ADGRL3: variants seen among roughly 807,000 people sequenced by gnomAD.
The protein encoded by ADGRL3 is adhesion G protein-coupled receptor L3.
A neutral mutation model predicts 153.5 loss-of-function variants in ADGRL3; 62 were observed. The ratio of observed to expected loss-of-function variants is 0.40; its 90% CI spans 0.33 to 0.50. ADGRL3 has a LOEUF of 0.50. Ranked by LOEUF, ADGRL3 falls within the 20% of genes least tolerant of loss-of-function variation. ADGRL3 has a pLI of 0.47. For synonymous variants in ADGRL3, 710 were observed against 672.5 expected, an observed-to-expected ratio of 1.06 and a Z score of -0.86; for missense variants, 1,641 against 1,859.4, an observed-to-expected ratio of 0.88 and a Z score of 2.16.
At chr4:62,046,243 A>G (rs1452849046) in intron 25 of ADGRL3, among the ~76,000 whole-genome samples, 1 of 151,956 alleles carries the variant, frequency 6.6e-6, no homozygotes, top group Non-Finnish European at 1.5e-5. Flanking sequence ...TATGATTTTA[A>G]TGATGAATTG....
chr4:61,682,948 G>C (rs149727851), intron 6 of ADGRL3, among the ~76,000 whole-genome samples: 2 of 151,962 alleles, frequency 1.3e-5, no homozygotes, highest in Non-Finnish European at 2.9e-5. Context: ...AGTCAAGTGG[G>C]GCTTAGAGTC....
Position 61,376,288 on chromosome 4 carries a change from G to A in ADGRL3, c.-239-6836G>A, listed in dbSNP as rs1014210181. Among the ~76,000 whole-genome samples, 5 of 151,796 alleles carry A rather than the reference G, an allele frequency of 3.3e-5. No homozygotes were observed. In the East Asian group the frequency reaches 9.7e-4, roughly 30 times the overall value. On this transcript the variant is annotated intron_variant, in intron 1 of 26. Coordinates refer to ENST00000683033, the MANE Select transcript of ADGRL3 (RefSeq NM_001387552.1). ...AGAGAAGCTTAATAATTCCATTATA[G>A]AAGTTGGAAACCATGATTAGTATGC...
intron 9 of ADGRL3, among the ~76,000 whole-genome samples, chr4:61,842,094 C>A (rs768660295): frequency 1.5e-4 from 23 of 152,034 alleles, no homozygotes; most frequent in Non-Finnish European, 2.9e-4. Context: ...TTTCATAACA[C>A]AGAGATGTTA....
At chr4:61,643,150 C>G (rs1293879740) in intron 5 of ADGRL3, among the ~76,000 whole-genome samples, 1 of 152,132 alleles carries the variant, frequency 6.6e-6, no homozygotes, top group African/African-American at 2.4e-5. Context: ...TATCCTGAGA[C>G]TTTGCTGAAG....
intron 1 of ADGRL3, among the ~76,000 whole-genome samples, chr4:61,322,372 C>G (rs2095376072): frequency 6.6e-6 from 1 of 152,178 alleles, no homozygotes; most frequent in African/African-American, 2.4e-5. Context: ...CTTCACATTT[C>G]AAAACCAATC....
intron 8 of ADGRL3, among the ~76,000 whole-genome samples, chr4:61,757,747 T>A (rs1448510941): frequency 1.3e-5 from 2 of 152,240 alleles, no homozygotes; most frequent in Non-Finnish European, 2.9e-5. Context: ...TGCTTTCTCT[T>A]GTGGGCATTT....
At chr4:61,293,902 G>C (rs1206064956) in intron 1 of ADGRL3, among the ~76,000 whole-genome samples, 1 of 152,080 alleles carries the variant, frequency 6.6e-6, no homozygotes, top group African/African-American at 2.4e-5. Context: ...ATGTGAAAAG[G>C]TCTCTTGTGG....
chr4:61,530,997 T>C (rs1370069117), intron 4 of ADGRL3, among the ~76,000 whole-genome samples: 1 of 152,182 alleles, frequency 6.6e-6, no homozygotes, highest in Non-Finnish European at 1.5e-5. Flanking sequence ...CTTAATATAG[T>C]CTGTGGCTCA....
chr4:61,371,055 C>G (rs2096515445), intron 1 of ADGRL3, among the ~76,000 whole-genome samples: 1 of 150,722 alleles, frequency 6.6e-6, no homozygotes, highest in Non-Finnish European at 1.5e-5. Context: ...ATTGCAACCC[C>G]TGCCTTTTTT....
At chr4:61,654,401 T>C (rs2094377828) in intron 5 of ADGRL3, among the ~76,000 whole-genome samples, 1 of 152,064 alleles carries the variant, frequency 6.6e-6, no homozygotes, top group African/African-American at 2.4e-5. Context: ...CATTATTAAC[T>C]ATGGGGTAAT....
intron 9 of ADGRL3, among the ~76,000 whole-genome samples, chr4:61,824,279 C>T (rs143207139): frequency 1.1e-3 from 170 of 152,182 alleles, no homozygotes; most frequent in African/African-American, 3.4e-3. Context: ...CATCTTTGTT[C>T]TAGTGCCACC....
intron 1 of ADGRL3, among the ~76,000 whole-genome samples, chr4:61,217,758 A>G (rs972495099): frequency 1.3e-5 from 2 of 152,202 alleles, no homozygotes; most frequent in African/African-American, 2.4e-5. Flanking sequence ...GTTTTACTCC[A>G]GAAGGTTGGT....
chr4:62,050,596 G>A (rs1200722660), intron 25 of ADGRL3, among the ~76,000 whole-genome samples: 1 of 151,764 alleles, frequency 6.6e-6, no homozygotes, highest in Non-Finnish European at 1.5e-5. Context: ...TATTTTTAAA[G>A]AAAAAATGCA....
At chr4:61,748,420 G>A (rs1264016691) in intron 8 of ADGRL3, among the ~76,000 whole-genome samples, 1 of 150,952 alleles carries the variant, frequency 6.6e-6, no homozygotes, top group African/African-American at 2.5e-5. Flanking sequence ...TAAGCCAAAA[G>A]AACAAAGCTG....
At chr4:61,489,000 T>C (rs1448110705) in intron 2 of ADGRL3, among the ~76,000 whole-genome samples, 1 of 151,952 alleles carries the variant, frequency 6.6e-6, no homozygotes, top group Non-Finnish European at 1.5e-5. Context: ...CTAAATGCAA[T>C]CTCATTTACC....
At position 61,483,894 on chromosome 4, in the gene ADGRL3, T is replaced by C. The variant is rs1379048248; in HGVS notation, c.-173-13227T>C. On this transcript the variant is annotated intron_variant, in intron 2 of 26. Transcript: ENST00000683033. Reference sequence around the variant, plus strand: ...ATATGAATTAATAAGATTACGTTAATAACTAAGTATAGTGTGTTCTGTTAT... The same window carrying C: ...ATATGAATTAATAAGATTACGTTAACAACTAAGTATAGTGTGTTCTGTTAT... Among the ~76,000 whole-genome samples, 14 of 150,950 alleles carry C rather than the reference T, an allele frequency of 9.3e-5. No individual in the cohort carries two copies. In the East Asian group the frequency reaches 2.3e-3, roughly 25 times the overall value.
At chr4:61,870,273 G>T (rs72638583) in intron 9 of ADGRL3, among the ~76,000 whole-genome samples, 2 of 151,840 alleles carry the variant, frequency 1.3e-5, no homozygotes, top group African/African-American at 4.8e-5. Context: ...CAGTGAATGG[G>T]GTTGGACCTA....
chr4:61,865,370 A>T (rs1046629278), intron 9 of ADGRL3, among the ~76,000 whole-genome samples: 8 of 151,766 alleles, frequency 5.3e-5, no homozygotes, highest in East Asian at 1.9e-4. Context: ...GGATTTTTTT[A>T]AAATAGCATA....
At chr4:61,477,500 T>C (rs1356564830) in intron 2 of ADGRL3, among the ~76,000 whole-genome samples, 5 of 152,174 alleles carry the variant, frequency 3.3e-5, no homozygotes, top group Non-Finnish European at 5.9e-5. Flanking sequence ...AAAAATGTTA[T>C]GGAATCAAGG....
Sources: gnomAD v4.1 joint callset for allele counts (sites outside exome capture counted in the v4.1 genomes callset) on GRCh38, gnomAD v4.1.1 for gene constraint, MANE v1.5 for transcripts, NCBI Gene and HGNC (gene_info 2026-07-23, HGNC 2026-07-21) for gene names.